PRKCB: variants seen among roughly 807,000 people sequenced by gnomAD.
PRKCB encodes protein kinase C beta type.
A neutral mutation model predicts 81.5 loss-of-function variants in PRKCB; 13 were observed. That is an observed-to-expected ratio of 0.16 (90% CI 0.10 to 0.25). The LOEUF (loss-of-function observed/expected upper bound fraction) is 0.25, where lower values mean the gene tolerates loss of function less well. Among genes scored for constraint, PRKCB ranks in the 10% least tolerant of loss-of-function variants. PRKCB has a pLI of 1.00. For synonymous variants in PRKCB, 335 were observed against 321.4 expected (o/e 1.04, Z -0.45); for missense variants, 509 against 875.7 (o/e 0.58, Z 5.29).
intron 2 of PRKCB, chr16:23,963,244 G>T (rs1964448250): frequency 6.6e-6 from 1 of 152,222 alleles, no homozygotes; most frequent in Non-Finnish European, 1.5e-5. Context: ...CTAAAATGGA[G>T]ACAATGACGG....
Position 24,080,315 on chromosome 16 carries a change from T to A in PRKCB, c.530-12476T>A, listed in dbSNP as rs569100202. ...CAGTAATTCTATGGCACACTTATTA[T>A]TGTTCAGATGGCAGTGATATGAATA... On this transcript the variant is annotated intron_variant, in intron 5 of 16. Coordinates refer to ENST00000643927, the MANE Select transcript of PRKCB (RefSeq NM_002738.7). Among the ~76,000 whole-genome samples, 11 of 152,298 alleles carry A rather than the reference T, an allele frequency of 7.2e-5. No homozygotes were observed. The East Asian group carries it at 2.1e-3, about 29-fold the overall frequency.
chr16:24,016,496 A>C (rs1965279247), intron 3 of PRKCB, among the ~76,000 whole-genome samples: 1 of 152,162 alleles, frequency 6.6e-6, no homozygotes, highest in Non-Finnish European at 1.5e-5. Context: ...AGACCCAAGA[A>C]AATAATCAAA....
intron 2 of PRKCB, among the ~76,000 whole-genome samples, chr16:23,852,510 T>G (rs1312126719): frequency 6.6e-6 from 1 of 152,210 alleles, no homozygotes; most frequent in Non-Finnish European, 1.5e-5. Flanking sequence ...GTTCTTCAAT[T>G]TGGTTTGCTA....
At chr16:23,894,076 A>G (rs981013171) in intron 2 of PRKCB, among the ~76,000 whole-genome samples, 2 of 152,168 alleles carry the variant, frequency 1.3e-5, no homozygotes, top group Non-Finnish European at 2.9e-5. Flanking sequence ...TGCATTTGCA[A>G]TCAGCTGGGG....
intron 5 of PRKCB, 104 bp from the exon 6 acceptor site, chr16:24,092,687 C>A: frequency 1.8e-6 from 2 of 1,127,166 alleles, no homozygotes; most frequent in Non-Finnish European, 2.5e-6. Context: ...TCTCACTAAA[C>A]AAGTGTGATG....
Position 24,220,053 on chromosome 16 carries a change from G to A in PRKCB, c.*5237G>A. ...CTGATAAACTCTTCATCATGAACTT[G>A]GACCAAAATGAATTTGCTGGCTTCT... On this transcript the variant is annotated 3_prime_UTR_variant, in exon 17 of 17. Transcript: ENST00000643927. 6.2e-7 allele frequency: 1 copy of A among 1,614,082 alleles called. No homozygotes were observed. Among genetic ancestry groups the A allele is most frequent in the Non-Finnish European group, 8.5e-7 (1 of 1,180,000 alleles).
intron 10 of PRKCB, among the ~76,000 whole-genome samples, chr16:24,167,606 C>T (rs1264046166): frequency 1.3e-5 from 2 of 152,094 alleles, no homozygotes; most frequent in Non-Finnish European, 2.9e-5. Context: ...TCTCCTGTAA[C>T]CTGCCAGCTT....
intron 2 of PRKCB, among the ~76,000 whole-genome samples, chr16:23,910,115 C>T (rs1331898692): frequency 1.3e-5 from 2 of 152,148 alleles, no homozygotes; most frequent in Non-Finnish European, 2.9e-5. Flanking sequence ...CTGACAGTGT[C>T]ACCTTCCTCT....
chr16:24,049,234 T>C (rs28369303), intron 5 of PRKCB, among the ~76,000 whole-genome samples: 2 of 117,908 alleles, frequency 1.7e-5, no homozygotes, highest in African/African-American at 6.8e-5. Context: ...TGTCCCACCC[T>C]GGACCTGCAC....
intron 2 of PRKCB, among the ~76,000 whole-genome samples, chr16:23,879,555 A>G (rs143580535): frequency 8.0e-6 from 1 of 125,234 alleles, no homozygotes; most frequent in Admixed American, 1.0e-4. Context: ...GTGCAGAAGC[A>G]TGATCTCAGC....
intron 4 of PRKCB, among the ~76,000 whole-genome samples, chr16:24,034,529 T>G (rs1208121534): frequency 6.6e-6 from 1 of 151,902 alleles, no homozygotes; most frequent in African/African-American, 2.4e-5. Context: ...GCAGAGGGAG[T>G]GGATATCCTA....
At chr16:24,210,745 C>T (rs1376236989) in intron 16 of PRKCB, among the ~76,000 whole-genome samples, 1 of 152,156 alleles carries the variant, frequency 6.6e-6, no homozygotes, top group Non-Finnish European at 1.5e-5. Flanking sequence ...AGTGATCCAC[C>T]ATCCTCGGCC....
In PRKCB at chr16:24,219,038, A is replaced by G; in HGVS notation, c.*4222A>G. 1.0e-6 allele frequency: 1 copy of G among 985,422 alleles called. No homozygotes were observed. Among genetic ancestry groups the G allele is most frequent in the Non-Finnish European group, 1.2e-6 (1 of 829,988 alleles). 61.0% of individuals were successfully genotyped at this position (985,422 alleles called of 1,614,324 possible). A position where few individuals can be genotyped will look rare whatever the true frequency, so the allele number is the denominator to read the frequency against. ...CCACCTGCCCCAGGTGGGTGTGGTGATGATGAGGAAAGACAAGAGGCTTGC... is the reference window on the plus strand; with the variant it reads ...CCACCTGCCCCAGGTGGGTGTGGTGGTGATGAGGAAAGACAAGAGGCTTGC... On this transcript the variant is annotated 3_prime_UTR_variant, in exon 17 of 17. Transcript: ENST00000643927.
intron 8 of PRKCB, among the ~76,000 whole-genome samples, chr16:24,115,563 C>T (rs1449010784): frequency 2.0e-5 from 3 of 151,632 alleles, no homozygotes; most frequent in East Asian, 2.0e-4. Flanking sequence ...GTATTTATCC[C>T]GATGATTTTA....
At chr16:23,960,153 G>A (rs1484663117) in intron 2 of PRKCB, among the ~76,000 whole-genome samples, 1 of 152,172 alleles carries the variant, frequency 6.6e-6, no homozygotes, top group Admixed American at 6.5e-5. Flanking sequence ...TGACTTATGG[G>A]AAACAACCTC....
intron 5 of PRKCB, among the ~76,000 whole-genome samples, chr16:24,078,376 G>A (rs189341459): frequency 7.9e-5 from 12 of 152,322 alleles, no homozygotes; most frequent in South Asian, 4.1e-4. Context: ...GGTAAACCTC[G>A]TCTGTCCTTC....
intron 7 of PRKCB, among the ~76,000 whole-genome samples, chr16:24,096,666 A>AAAAAAAAAATATATAT (rs1406204037): frequency 5.5e-4 from 18 of 32,646 alleles, no homozygotes; most frequent in Non-Finnish European, 9.1e-4. Context: ...AAAAAAAAAA[A>AAAAAAAAAATATATAT]ATATATATAT....
chr16:24,167,396 C>T (rs928181579), intron 10 of PRKCB, among the ~76,000 whole-genome samples: 2 of 151,998 alleles, frequency 1.3e-5, no homozygotes, highest in Admixed American at 6.6e-5. Context: ...CCTGTCTCTA[C>T]AAAAAATACA....
Position 23,836,296 on chromosome 16 carries a change from G to T in PRKCB, c.121G>T (p.Ala41Ser), listed in dbSNP as rs2141070572. 1 of 1,604,712 alleles carries T rather than the reference G, an allele frequency of 6.2e-7. No homozygotes were observed. The highest frequency in any genetic ancestry group is 2.3e-5 in the East Asian group (1 of 43,468). ...VHEVKNHKFT[A>S]RFFKQPTFCS... ...TGAGGTCAAGAACCACAAATTCACC[G>T]CCCGCTTCTTCAAGCAGCCCACCTT... The change falls in exon 1 of 17, where the codon GCC (alanine) becomes TCC (serine). Residue 41 changes from alanine to serine, a missense_variant. Transcript: ENST00000643927.
Sources: gnomAD v4.1 joint callset for allele counts (sites outside exome capture counted in the v4.1 genomes callset) on GRCh38, gnomAD v4.1.1 for gene constraint, MANE v1.5 for transcripts, NCBI Gene and HGNC (gene_info 2026-07-23, HGNC 2026-07-21) for gene names.